Variants in CSNK1G1 observed in about 807,000 individuals in gnomAD.
The protein encoded by CSNK1G1 is casein kinase 1 gamma 1, also known as casein kinase I isoform gamma-1.
In CSNK1G1, 22 loss-of-function variants were observed where a neutral mutation model predicts 59.6. The ratio of observed to expected loss-of-function variants is 0.37; its 90% confidence interval spans 0.26 to 0.53. The LOEUF is 0.53. Ranked by LOEUF, CSNK1G1 falls within the 20% of genes least tolerant of loss-of-function variation. CSNK1G1 has a pLI of 0.89. For missense variants in CSNK1G1, 384 were observed against 519.5 expected (o/e 0.74, Z 2.54); for synonymous variants, 179 against 177.1 (o/e 1.01, Z -0.08).
intron 3 of CSNK1G1, among the ~76,000 whole-genome samples, chr15:64,256,294 C>T (rs1224038807): frequency 6.6e-6 from 1 of 152,200 alleles, no homozygotes; most frequent in African/African-American, 2.4e-5. Flanking sequence ...CACATCCTTC[C>T]TCAAATATTA....
intron 3 of CSNK1G1, among the ~76,000 whole-genome samples, chr15:64,256,419 T>C (rs978796852): frequency 1.3e-5 from 2 of 152,218 alleles, no homozygotes; most frequent in Non-Finnish European, 2.9e-5. Flanking sequence ...TTGAAAGGCA[T>C]ACACATCACA....
At position 64,189,167 on chromosome 15, in the gene CSNK1G1, G is replaced by A. The variant is rs112852746; in HGVS notation, c.1108-8713C>T. On this transcript the variant is annotated intron_variant, in intron 10 of 11. Transcript: ENST00000303052. The stretch of plus-strand genomic sequence containing the variant: ...TAATAACAAAAAAAATAGCTACATC[G>A]TTTGCCTGGTTCTTCTAGCTAACAG... 5.1e-3 allele frequency among the ~76,000 whole-genome samples: 778 copies of A among 152,128 alleles called. 9 individuals carry two copies. The highest frequency in any genetic ancestry group is 0.017 in the African/African-American group (720 of 41,498).
chr15:64,309,342 ACACACACAC>A, intron 1 of CSNK1G1, among the ~76,000 whole-genome samples: 1 of 151,066 alleles, frequency 6.6e-6, no homozygotes, highest in Non-Finnish European at 1.5e-5. Context: ...ACACACACAC[ACACACACAC>A]AAATAAATGA....
intron 6 of CSNK1G1, among the ~76,000 whole-genome samples, chr15:64,212,235 G>A (rs1596101448): frequency 6.6e-6 from 1 of 152,202 alleles, no homozygotes; most frequent in Non-Finnish European, 1.5e-5. Flanking sequence ...ATTTACTTAA[G>A]TGAGGATTTC....
chr15:64,186,494 T>A (rs548601772), intron 10 of CSNK1G1, among the ~76,000 whole-genome samples: 31 of 151,754 alleles, frequency 2.0e-4, no homozygotes, highest in African/African-American at 7.5e-4. Flanking sequence ...TAAAATTGAG[T>A]TTTTTGTTTT....
intron 10 of CSNK1G1, chr15:64,181,087 G>T (rs1465759796): frequency 2.3e-6 from 3 of 1,328,154 alleles, no homozygotes; most frequent in African/African-American, 3.0e-5. Flanking sequence ...TCATGGCTTT[G>T]AGCACTGGTT....
At chr15:64,220,071 C>A (rs2082366414) in intron 4 of CSNK1G1, among the ~76,000 whole-genome samples, 1 of 151,380 alleles carries the variant, frequency 6.6e-6, no homozygotes, top group Non-Finnish European at 1.5e-5. Context: ...CACGCCCAGC[C>A]TCCCCTTCTT....
intron 9 of CSNK1G1, among the ~76,000 whole-genome samples, chr15:64,203,675 C>T (rs540832300): frequency 9.0e-5 from 9 of 100,074 alleles, no homozygotes; most frequent in Non-Finnish European, 1.7e-4. Context: ...CCAGCCTGGG[C>T]AACAAGAGTG....
rs139802130 is a variant in CSNK1G1 at position 64,340,475 on chromosome 15, G to A, written c.-225+15513C>T. ...TATGTATGTTGAACCTGTATTATCT[G>A]GTATAAGTAACAGAATTCTAGTATC... On this transcript the variant is annotated intron_variant, in intron 1 of 11. Coordinates refer to ENST00000303052, the MANE Select transcript of CSNK1G1 (RefSeq NM_022048.5). Among the ~76,000 whole-genome samples the A allele has an allele frequency of 4.4e-3, 675 of 152,168 alleles. 5 individuals are homozygous for A. Among genetic ancestry groups the A allele is most frequent in the African/African-American group, 0.015 (627 of 41,518 alleles).
At chr15:64,351,906 T>C (rs1047677750) in intron 1 of CSNK1G1, among the ~76,000 whole-genome samples, 1 of 152,012 alleles carries the variant, frequency 6.6e-6, no homozygotes, top group Non-Finnish European at 1.5e-5. Flanking sequence ...TAATACAGTA[T>C]TATAGTTTGA....
At chr15:64,326,916 C>A (rs535989681) in intron 1 of CSNK1G1, among the ~76,000 whole-genome samples, 1 of 150,488 alleles carries the variant, frequency 6.6e-6, no homozygotes, top group African/African-American at 2.4e-5. Flanking sequence ...GGGTGACGGA[C>A]GCACCTGGAA....
intron 3 of CSNK1G1, among the ~76,000 whole-genome samples, chr15:64,254,224 G>C (rs1466494964): frequency 6.6e-6 from 1 of 152,052 alleles, no homozygotes; most frequent in East Asian, 1.9e-4. Flanking sequence ...CCAAGGGGTT[G>C]GGGGGAGGGG....
intron 1 of CSNK1G1, among the ~76,000 whole-genome samples, chr15:64,333,433 CAAA>C (rs59451869): frequency 4.3e-4 from 10 of 23,086 alleles, no homozygotes; most frequent in Non-Finnish European, 5.8e-4. Context: ...GACACCATCT[CAAA>C]AAAAAAAAAA....
chr15:64,264,389 C>A (rs1892869066), intron 2 of CSNK1G1, among the ~76,000 whole-genome samples: 1 of 151,972 alleles, frequency 6.6e-6, no homozygotes, highest in Non-Finnish European at 1.5e-5. Flanking sequence ...ATAAAGACTC[C>A]CCCAGCAAAG....
rs955419915 is a variant in CSNK1G1, at chr15:64,186,785, C to T, written c.1108-6331G>A. On this transcript the variant is annotated intron_variant, in intron 10 of 11. Transcript: ENST00000303052. ...AGGCTTCTCAAAATGCTGGAATTAT[C>T]GGTGTTAGCCACTGTGCCTGGCTCC... Among the ~76,000 whole-genome samples the T allele has an allele frequency of 3.9e-5, 6 of 151,988 alleles. No homozygotes were observed. The East Asian group carries it at 7.7e-4, about 20-fold the overall frequency.
At chr15:64,266,414 C>T (rs891270720) in intron 2 of CSNK1G1, among the ~76,000 whole-genome samples, 5 of 151,914 alleles carry the variant, frequency 3.3e-5, no homozygotes, top group Non-Finnish European at 7.4e-5. Context: ...AATAAAAAAT[C>T]GGAAGAATAT....
intron 1 of CSNK1G1, among the ~76,000 whole-genome samples, chr15:64,337,089 G>T (rs1200323934): frequency 6.6e-6 from 1 of 151,928 alleles, no homozygotes; most frequent in Non-Finnish European, 1.5e-5. Flanking sequence ...TTATCCAGGC[G>T]CAGTGGCAGG....
chr15:64,225,968 A>G (rs1360087780), intron 4 of CSNK1G1, among the ~76,000 whole-genome samples: 1 of 152,196 alleles, frequency 6.6e-6, no homozygotes, highest in Non-Finnish European at 1.5e-5. Flanking sequence ...AAGGAACATT[A>G]CAATCAGGGC....
Position 64,167,477 on chromosome 15 carries a change from A to T in CSNK1G1, c.*4454T>A, listed in dbSNP as rs2081615656. ...GAGTCTGCAAAAGCAAGAACCCGAGAGATAAGTGCCTGTCACTTACGTGGC... is the reference window on the plus strand; with the variant it reads ...GAGTCTGCAAAAGCAAGAACCCGAGTGATAAGTGCCTGTCACTTACGTGGC... On this transcript the variant is annotated 3_prime_UTR_variant, in exon 12 of 12. Transcript: ENST00000303052. The T allele has an allele frequency of 6.6e-6, 1 of 152,620 alleles. No individual in the cohort carries two copies. The highest frequency in any genetic ancestry group is 1.5e-5 in the Non-Finnish European group (1 of 68,026). The allele number at this position is 152,620 out of a possible 1,614,324, so 9.5% of individuals were successfully genotyped here.
Sources: allele counts gnomAD v4.1 joint callset (sites outside exome capture counted in the v4.1 genomes callset), GRCh38; gene constraint gnomAD v4.1.1; transcripts MANE v1.5; gene names NCBI Gene and HGNC (gene_info 2026-07-23, HGNC 2026-07-21).